Variants in SCARB1 observed in about 807,000 individuals in gnomAD.
The protein encoded by SCARB1 is CD36 and LIMPII analogous 1.
SCARB1 carries 30 observed loss-of-function variants against 57.2 expected under a neutral mutation model. The ratio of observed to expected loss-of-function variants is 0.52; its 90% confidence interval spans 0.39 to 0.71. The LOEUF is 0.71. Among genes scored for constraint, SCARB1 ranks in the 30% least tolerant of loss-of-function variants. SCARB1 has a pLI of 0.00. For synonymous variants in SCARB1, 249 were observed against 268.3 expected (o/e 0.93, Z 0.70); for missense variants, 543 against 671.2 (o/e 0.81, Z 2.11).
At position 124,812,167 on chromosome 12, in the gene SCARB1, G is replaced by A. The variant is rs914188696; in HGVS notation, c.631-202C>T. 2.6e-5 allele frequency among the ~76,000 whole-genome samples: 4 copies of A among 152,108 alleles called. No individual in the cohort carries two copies. The highest frequency in any genetic ancestry group is 5.9e-5 in the Non-Finnish European group (4 of 68,010). On this transcript the variant is annotated intron_variant, in intron 4 of 12. Transcript: ENST00000261693. This position sits in a 1 kb window ranked among gnomAD's most constrained non-coding sequence, Gnocchi z 4.3. ...TAGGAGGAATGGTCCCGGGTTCTGT[G>A]GCTGCAGTGTTCCACCCTCCCTTCC...
At chr12:124,843,607 C>T (rs1042869885) in intron 1 of SCARB1, among the ~76,000 whole-genome samples, 8 of 152,138 alleles carry the variant, frequency 5.3e-5, no homozygotes, top group African/African-American at 1.9e-4. Flanking sequence ...TTCATGCCCA[C>T]CTAGAACCTC....
intron 1 of SCARB1, among the ~76,000 whole-genome samples, chr12:124,848,146 C>A (rs1401515476): frequency 1.3e-5 from 2 of 152,192 alleles, no homozygotes; most frequent in Non-Finnish European, 2.9e-5. Flanking sequence ...TGCAGTGGCA[C>A]GATCTCGGCT....
Position 124,797,797 on chromosome 12 carries a change from G to A in SCARB1, c.1128+2327C>T, listed in dbSNP as rs949386733. Among the ~76,000 whole-genome samples, 4 of 152,326 alleles carry A rather than the reference G, an allele frequency of 2.6e-5. No individual in the cohort carries two copies. In the South Asian group the frequency reaches 6.2e-4, roughly 24 times the overall value. Reference sequence around the variant, plus strand: ...CCGGGGCCGAGAGGGCCTAGTCAGCGGCTAAGGAGGCCTGGGAGGACAAAG... The same window carrying A: ...CCGGGGCCGAGAGGGCCTAGTCAGCAGCTAAGGAGGCCTGGGAGGACAAAG... On this transcript the variant is annotated intron_variant, in intron 8 of 12. Coordinates refer to ENST00000261693, the MANE Select transcript of SCARB1 (RefSeq NM_005505.5).
intron 12 of SCARB1, among the ~76,000 whole-genome samples, chr12:124,781,257 G>C (rs944966710): frequency 2.0e-5 from 3 of 152,238 alleles, no homozygotes; most frequent in African/African-American, 7.2e-5. Context: ...TGGCAAGTGA[G>C]ATGAGTTAGA....
At position 124,789,459 on chromosome 12, in the gene SCARB1, G is replaced by T. The variant is rs1949643328; in HGVS notation, c.1203-2002C>A. Among the ~76,000 whole-genome samples, 1 of 152,136 alleles carries T rather than the reference G, an allele frequency of 6.6e-6. No individual in the cohort carries two copies. The highest frequency in any genetic ancestry group is 2.4e-5 in the African/African-American group (1 of 41,414). On this transcript the variant is annotated intron_variant, in intron 9 of 12. Transcript: ENST00000261693. This position sits in a 1 kb window ranked among gnomAD's most constrained non-coding sequence, Gnocchi z 4.4. ...GAAACTGTGACCTGCCACGACGAAG[G>T]GGACCGTGCAGACATGACTGCATCA...
chr12:124,786,126 G>A, intron 11 of SCARB1: 1 of 1,538,118 alleles, frequency 6.5e-7, no homozygotes, highest in South Asian at 1.2e-5. Flanking sequence ...CTCCAAGGGA[G>A]GGTCCCAGGC....
chr12:124,852,801 G>T (rs928402779), intron 1 of SCARB1, among the ~76,000 whole-genome samples: 55 of 152,358 alleles, frequency 3.6e-4, no homozygotes, highest in African/African-American at 1.3e-3. Flanking sequence ...AGCACTTTGG[G>T]AAGCTAAGAC....
chr12:124,817,593 C>T lies in SCARB1; in HGVS notation c.241G>A (p.Gly81Ser). The T allele has an allele frequency of 1.2e-6, 2 of 1,614,212 alleles. No homozygotes were observed. Among genetic ancestry groups the T allele is most frequent in the Non-Finnish European group, 8.5e-7 (1 of 1,180,040 alleles). ...DVMNPSEILK[G>S]EKPQVRERGP... The stretch of plus-strand genomic sequence containing the variant: ...CGCTCCCGCACCTGCGGCTTCTCGC[C>T]CTTCAGGATCTCGCTGGGGTTCATG... The change falls in exon 2 of 13, where the codon GGC (glycine) becomes AGC (serine). Residue 81 changes from glycine to serine, a missense_variant. Gly to Ser is a moderately conservative substitution (Grantham distance 56, BLOSUM62 0). Coordinates refer to ENST00000261693, the MANE Select transcript of SCARB1 (RefSeq NM_005505.5). This position sits in a 1 kb window ranked among gnomAD's most constrained non-coding sequence, Gnocchi z 4.8.
chr12:124,778,636 C>A (rs1026684927), intron 12 of SCARB1, 50 bp from the exon 13 acceptor site: 1 of 1,395,258 alleles, frequency 7.2e-7, no homozygotes, highest in Non-Finnish European at 9.3e-7. Context: ...GTCACCAAAC[C>A]CCACCCTCAT....
intron 4 of SCARB1, among the ~76,000 whole-genome samples, chr12:124,813,850 C>A (rs555971571): frequency 6.6e-6 from 1 of 152,210 alleles, no homozygotes; most frequent in East Asian, 1.9e-4. Context: ...AGTCAGTGAC[C>A]CTACCAGGTT....
intron 12 of SCARB1, among the ~76,000 whole-genome samples, chr12:124,779,716 T>C (rs1002500297): frequency 1.3e-5 from 2 of 151,940 alleles, no homozygotes; most frequent in Admixed American, 6.5e-5. Context: ...CCTGCCTCCC[T>C]TGCCCTGAGC....
At chr12:124,787,578 C>T (rs1355378133) in intron 9 of SCARB1, 121 bp from the exon 10 acceptor site, 1 of 819,002 alleles carries the variant, frequency 1.2e-6, no homozygotes, top group Non-Finnish European at 2.0e-6. Flanking sequence ...AAACCCTCAC[C>T]ACCAAATATA....
In SCARB1 at chr12:124,814,947, C is replaced by T. The variant is rs549056870; in HGVS notation, c.426+26G>A. 5.9e-5 allele frequency: 95 copies of T among 1,613,658 alleles called. No homozygotes were observed. In the Middle Eastern group the frequency reaches 8.2e-4, roughly 14 times the overall value. On this transcript the variant is annotated intron_variant, in intron 3 of 12. Coordinates refer to ENST00000261693, the MANE Select transcript of SCARB1 (RefSeq NM_005505.5). This position sits in a 1 kb window ranked among gnomAD's most constrained non-coding sequence, Gnocchi z 4.7. ...CAGGGGACGAGGTCAGGGTGCGAGG[C>T]GGCGTGGGCCACAGGGCAGCCTCAC... is the stretch of plus-strand genomic sequence containing the variant.
At chr12:124,815,415 G>C (rs1192269826) in intron 2 of SCARB1, among the ~76,000 whole-genome samples, 2 of 152,186 alleles carry the variant, frequency 1.3e-5, no homozygotes, top group Non-Finnish European at 2.9e-5. Context: ...GGCAGCTGTG[G>C]GGATTAAGCA....
chr12:124,797,752 G>A (rs1949992377), intron 8 of SCARB1, among the ~76,000 whole-genome samples: 1 of 152,232 alleles, frequency 6.6e-6, no homozygotes, highest in East Asian at 1.9e-4. Flanking sequence ...AAAGAGGGAA[G>A]GCAGAGACCA....
chr12:124,790,505 A>T lies in SCARB1; in HGVS notation c.1203-3048T>A, dbSNP rs546436615. ...TTCTCCCCTGGAGCCTCTGGAAGGA[A>T]CAAGGCCTGCAGATACCTTGATCTT... On this transcript the variant is annotated intron_variant, in intron 9 of 12. Coordinates refer to ENST00000261693, the MANE Select transcript of SCARB1 (RefSeq NM_005505.5). Among the ~76,000 whole-genome samples the T allele has an allele frequency of 5.8e-4, 89 of 152,308 alleles. 1 individual carries two copies. The South Asian group carries it at 0.018, about 31-fold the overall frequency.
intron 1 of SCARB1, among the ~76,000 whole-genome samples, chr12:124,846,998 T>C (rs1257131857): frequency 6.6e-6 from 1 of 152,134 alleles, no homozygotes. Context: ...GAGGGAGTGA[T>C]ACTATAAAAA....
At chr12:124,808,789 T>C (rs1950412581) in intron 6 of SCARB1, among the ~76,000 whole-genome samples, 7 of 151,890 alleles carry the variant, frequency 4.6e-5, no homozygotes, top group Admixed American at 4.6e-4. Context: ...CAAATTGGGA[T>C]GCAAGTATAA....
intron 2 of SCARB1, among the ~76,000 whole-genome samples, chr12:124,816,688 G>A (rs1950730088): frequency 6.6e-6 from 1 of 152,046 alleles, no homozygotes; most frequent in African/African-American, 2.4e-5. Context: ...TGGAGGAGGG[G>A]AGGTGCTGTG....
Sources: gnomAD v4.1 joint callset for allele counts (sites outside exome capture counted in the v4.1 genomes callset) on GRCh38, gnomAD v4.1.1 for gene constraint, Gnocchi (gnomAD v3.1) non-coding constraint, MANE v1.5 for transcripts, NCBI Gene and HGNC (gene_info 2026-07-23, HGNC 2026-07-21) for gene names.